SLX9: variants seen among roughly 807,000 people sequenced by gnomAD.
SLX9 encodes the protein ribosome biogenesis protein SLX9 homolog.
SLX9 carries 19 observed loss-of-function variants against 20.8 expected under a neutral mutation model. The observed-to-expected ratio is 0.91, with a 90% CI of 0.64 to 1.34. SLX9 has a LOEUF of 1.34. Among genes scored for constraint, SLX9 ranks in the 40% most tolerant of loss-of-function variants. SLX9 has a pLI of 0.00. For missense variants in SLX9, 299 were observed against 322.2 expected (o/e 0.93, Z 0.55); for synonymous variants, 113 against 137.1 (o/e 0.82, Z 1.23).
intron 2 of SLX9, among the ~76,000 whole-genome samples, chr21:44,948,733 T>C (rs1351609374): frequency 6.6e-6 from 1 of 152,240 alleles, no homozygotes; most frequent in Non-Finnish European, 1.5e-5. Context: ...GTTGCTTTTC[T>C]GGCCAGATAC....
At chr21:44,976,235 G>T (rs2085259436) in intron 5 of SLX9, among the ~76,000 whole-genome samples, 1 of 152,252 alleles carries the variant, frequency 6.6e-6, no homozygotes, top group African/African-American at 2.4e-5. Flanking sequence ...ACCCATCTGG[G>T]GCTGCCGCGC....
intron 2 of SLX9, among the ~76,000 whole-genome samples, chr21:44,958,077 T>C (rs1271142583): frequency 6.6e-6 from 1 of 152,234 alleles, no homozygotes; most frequent in Non-Finnish European, 1.5e-5. Context: ...CAGCTCTGGC[T>C]TGGTATTCCT....
intron 2 of SLX9, among the ~76,000 whole-genome samples, chr21:44,955,516 T>C (rs917127317): frequency 1.3e-5 from 2 of 152,082 alleles, no homozygotes; most frequent in African/African-American, 4.8e-5. Context: ...GTCTGTCTGC[T>C]CCTTTCTTTT....
intron 4 of SLX9, 98 bp from the exon 5 acceptor site, chr21:44,973,099 C>T (rs2085186631): frequency 1.5e-5 from 20 of 1,377,208 alleles, no homozygotes; most frequent in Middle Eastern, 3.6e-4. Flanking sequence ...CTGGCCACCA[C>T]GACGTCTGCT....
Position 44,976,904 on chromosome 21 carries a change from C to G in SLX9, c.*101C>G. 6.8e-7 allele frequency: 1 copy of G among 1,479,278 alleles called. No individual in the cohort carries two copies. The highest frequency in any genetic ancestry group is 9.1e-7 in the Non-Finnish European group (1 of 1,104,286). 91.6% of individuals were successfully genotyped at this position (1,479,278 alleles called of 1,614,324 possible). A position where few individuals can be genotyped will look rare whatever the true frequency, so the allele number is the denominator to read the frequency against. ...TGGCCTGAGCCTGGTGGACGCCCTTCCCTCTGGTCGGTTGTGGGGCTCAAT... is the reference window on the plus strand; with the variant it reads ...TGGCCTGAGCCTGGTGGACGCCCTTGCCTCTGGTCGGTTGTGGGGCTCAAT... On this transcript the variant is annotated 3_prime_UTR_variant, in exon 6 of 6. Coordinates refer to ENST00000291634, the MANE Select transcript of SLX9 (RefSeq NM_058190.4).
At chr21:44,954,584 A>G (rs575279751) in intron 2 of SLX9, among the ~76,000 whole-genome samples, 1 of 152,262 alleles carries the variant, frequency 6.6e-6, no homozygotes, top group Non-Finnish European at 1.5e-5. Flanking sequence ...GGAGGTGGGC[A>G]CAGGGCCCAG....
chr21:44,942,760 G>A (rs1191054521), intron 1 of SLX9, among the ~76,000 whole-genome samples: 1 of 152,168 alleles, frequency 6.6e-6, no homozygotes, highest in African/African-American at 2.4e-5. Flanking sequence ...GGAGGTGGTT[G>A]TGGAAAACTA....
chr21:44,948,690 G>T (rs1051976362), intron 2 of SLX9, among the ~76,000 whole-genome samples: 1 of 152,210 alleles, frequency 6.6e-6, no homozygotes, highest in East Asian at 1.9e-4. Flanking sequence ...GGGGGCATGA[G>T]AGGCGCCGGT....
intron 1 of SLX9, among the ~76,000 whole-genome samples, chr21:44,940,830 T>C (rs997547812): frequency 3.3e-5 from 5 of 152,196 alleles, no homozygotes; most frequent in African/African-American, 1.2e-4. Flanking sequence ...CCTTGAATAT[T>C]TTTTTCTGCC....
intron 3 of SLX9, among the ~76,000 whole-genome samples, chr21:44,961,415 C>T (rs1601405161): frequency 6.6e-6 from 1 of 152,220 alleles, no homozygotes; most frequent in South Asian, 2.1e-4. Flanking sequence ...CTTGTCTCTA[C>T]AAAAAATGTA....
chr21:44,972,198 G>C (rs561782975), intron 4 of SLX9, among the ~76,000 whole-genome samples: 2 of 152,184 alleles, frequency 1.3e-5, no homozygotes, highest in Non-Finnish European at 2.9e-5. Flanking sequence ...CTGTGTGGAC[G>C]GCAGATCTGA....
chr21:44,964,862 T>A (rs1219278854), intron 3 of SLX9, among the ~76,000 whole-genome samples: 1 of 152,222 alleles, frequency 6.6e-6, no homozygotes, highest in Non-Finnish European at 1.5e-5. Context: ...GTTTTTAGTA[T>A]TTAATTCATA....
intron 4 of SLX9, among the ~76,000 whole-genome samples, chr21:44,968,412 G>A (rs549017532): frequency 1.9e-4 from 29 of 152,374 alleles, no homozygotes; most frequent in African/African-American, 5.8e-4. Flanking sequence ...GCTGTGGTGT[G>A]TGCACCCCAG....
chr21:44,973,148 G>A lies in SLX9; in HGVS notation c.501-49G>A, dbSNP rs762657186. ...AGCCAGCCTCTGCCCACGGGAAGGT[G>A]TTTAGGGGATGCTGGATGCTGACTC... On this transcript the variant is annotated intron_variant, in intron 4 of 5. Transcript: ENST00000291634. 10 of 1,608,290 alleles carry A rather than the reference G, an allele frequency of 6.2e-6. No homozygotes were observed. In the South Asian group the frequency reaches 1.1e-4, roughly 18 times the overall value.
chr21:44,962,624 T>A (rs1010220439), intron 3 of SLX9, among the ~76,000 whole-genome samples: 4 of 152,262 alleles, frequency 2.6e-5, no homozygotes, highest in African/African-American at 7.2e-5. Context: ...ATAAGGCTGC[T>A]CTGAACATTC....
intron 2 of SLX9, among the ~76,000 whole-genome samples, chr21:44,950,714 A>T (rs564921672): frequency 5.9e-5 from 9 of 152,206 alleles, no homozygotes; most frequent in Non-Finnish European, 1.3e-4. Flanking sequence ...GAGGCATTTG[A>T]CTTGGACCAG....
At chr21:44,955,759 G>A (rs934249971) in intron 2 of SLX9, among the ~76,000 whole-genome samples, 2 of 152,174 alleles carry the variant, frequency 1.3e-5, no homozygotes, top group Admixed American at 6.5e-5. Context: ...CTTACATCAC[G>A]GCTGCTGAAG....
chr21:44,952,805 G>A (rs958872700), intron 2 of SLX9, among the ~76,000 whole-genome samples: 4 of 152,234 alleles, frequency 2.6e-5, no homozygotes, highest in South Asian at 4.1e-4. Context: ...CTTGGAGCTC[G>A]GTGGCTGGAG....
At chr21:44,944,823 G>A (rs989822860) in intron 2 of SLX9, among the ~76,000 whole-genome samples, 2 of 152,240 alleles carry the variant, frequency 1.3e-5, no homozygotes, top group South Asian at 2.1e-4. Context: ...GCCCCTCACC[G>A]CCTGGTAGCC....
Sources: gnomAD v4.1 joint callset for allele counts (sites outside exome capture counted in the v4.1 genomes callset) on GRCh38, gnomAD v4.1.1 for gene constraint, MANE v1.5 for transcripts, NCBI Gene and HGNC (gene_info 2026-07-23, HGNC 2026-07-21) for gene names.